ZNF541: variants seen among roughly 807,000 people sequenced by gnomAD.
The protein encoded by ZNF541 is zinc finger protein 541.
A neutral mutation model predicts 123.5 loss-of-function variants in ZNF541; 23 were observed. The ratio of observed to expected loss-of-function variants is 0.19; its 90% CI spans 0.13 to 0.26. The LOEUF is 0.26. ZNF541 is among the 10% of genes least tolerant of loss of function. The pLI is 1.00. For synonymous variants in ZNF541, 751 were observed against 754.5 expected, an observed-to-expected ratio of 1.00 and a Z score of 0.08; for missense variants, 1,612 against 1,789.9, an observed-to-expected ratio of 0.90 and a Z score of 1.79.
intron 3 of ZNF541, among the ~76,000 whole-genome samples, chr19:47,553,116 A>G: frequency 6.6e-6 from 1 of 152,232 alleles, no homozygotes; most frequent in East Asian, 1.9e-4. Context: ...TCAAAAAAAT[A>G]AATAAATAAA....
At chr19:47,529,786 C>T (rs540914783) in intron 12 of ZNF541, 134 bp from the exon 13 acceptor site, 1 of 763,374 alleles carries the variant, frequency 1.3e-6, no homozygotes, top group African/African-American at 1.7e-5. Flanking sequence ...TCAAAGTTGC[C>T]CTGGATGGGC....
chr19:47,559,082 A>C (rs1213380039), intron 2 of ZNF541, among the ~76,000 whole-genome samples: 1 of 151,110 alleles, frequency 6.6e-6, no homozygotes, highest in Non-Finnish European at 1.5e-5. Flanking sequence ...GAGAAATAAA[A>C]AGACTGGGCC....
At chr19:47,571,563 T>C (rs982376492) in intron 2 of ZNF541, among the ~76,000 whole-genome samples, 3 of 152,206 alleles carry the variant, frequency 2.0e-5, no homozygotes, top group African/African-American at 4.8e-5. Context: ...AGATGGGACA[T>C]ACAATCTTTG....
intron 2 of ZNF541, among the ~76,000 whole-genome samples, chr19:47,558,233 G>A (rs953561737): frequency 5.9e-5 from 9 of 152,014 alleles, no homozygotes; most frequent in African/African-American, 1.9e-4. Context: ...CGGCTAACAC[G>A]GTGAAACCCC....
At chr19:47,573,167 G>C (rs1001719278), upstream of ZNF541, among the ~76,000 whole-genome samples, 1 of 149,596 alleles carries the variant, frequency 6.7e-6, no homozygotes, top group Middle Eastern at 3.2e-3. Context: ...CGCGCCGCCC[G>C]GGGCGCACGC....
intron 4 of ZNF541, 73 bp downstream of exon 4, chr19:47,549,172 G>A: frequency 6.5e-7 from 1 of 1,534,024 alleles, no homozygotes; most frequent in Non-Finnish European, 8.8e-7. Flanking sequence ...TGGGAGAATA[G>A]GAAGAAGACC....
intron 3 of ZNF541, 75 bp from the exon 4 acceptor site, chr19:47,549,560 A>G: frequency 1.3e-6 from 2 of 1,522,312 alleles, no homozygotes; most frequent in Non-Finnish European, 1.8e-6. Context: ...GGCACTCTAC[A>G]CCTCTTAGAA....
chr19:47,523,218 C>T (rs954457706), intron 14 of ZNF541, among the ~76,000 whole-genome samples: 5 of 150,392 alleles, frequency 3.3e-5, no homozygotes, highest in East Asian at 2.0e-4. Context: ...TTAGTAGAGA[C>T]GGGGTTTCAC....
intron 5 of ZNF541, among the ~76,000 whole-genome samples, chr19:47,542,430 C>T (rs1568496587): frequency 6.6e-6 from 1 of 151,796 alleles, no homozygotes; most frequent in Non-Finnish European, 1.5e-5. Flanking sequence ...CCGAGGCAAG[C>T]ACATCACCTG....
Position 47,544,256 on chromosome 19 carries a change from C to A in ZNF541, c.2273G>T (p.Arg758Leu). 3 of 1,551,580 alleles carry A rather than the reference C, an allele frequency of 1.9e-6. No individual in the cohort carries two copies. The highest frequency in any genetic ancestry group is 2.6e-6 in the Non-Finnish European group (3 of 1,147,006). ...CATATCCATCTTCGCCTTCTCTTTC[C>A]GGAAGCCGGAGAATCGCGGGGCCCT... is the stretch of plus-strand genomic sequence containing the variant. ...NPRAPRFSGF[R>L]KEKAKMDMCC... Residue 758 changes from arginine to leucine, a missense_variant, in exon 5 of 17, where the codon CGG becomes CTG. Transcript: ENST00000391901.
At chr19:47,538,612 G>A (rs1969937427) in intron 8 of ZNF541, 173 bp from the exon 9 acceptor site, 2 of 620,384 alleles carry the variant, frequency 3.2e-6, no homozygotes, top group Non-Finnish European at 5.3e-6. Flanking sequence ...TACTGAGCCT[G>A]GCGATGATCC....
At position 47,564,136 on chromosome 19, in the gene ZNF541, T is replaced by G. The variant is rs1470014639; in HGVS notation, c.-99+7760A>C. Among the ~76,000 whole-genome samples, 5 of 152,296 alleles carry G rather than the reference T, an allele frequency of 3.3e-5. No homozygotes were observed. In the East Asian group the frequency reaches 9.6e-4, roughly 29 times the overall value. On this transcript the variant is annotated intron_variant, in intron 2 of 16. Coordinates refer to ENST00000391901, the MANE Select transcript of ZNF541 (RefSeq NM_001277075.3). ...TACACAGTACTGATTCCCTATAAAC[T>G]GAACTGTATACTGCACTGCTCCAAT... is the stretch of plus-strand genomic sequence containing the variant.
intron 14 of ZNF541, among the ~76,000 whole-genome samples, chr19:47,528,204 A>G (rs1039927319): frequency 2.8e-5 from 4 of 143,146 alleles, no homozygotes; most frequent in African/African-American, 1.0e-4. Flanking sequence ...AATCCCAGCT[A>G]CTCGGAAGGC....
chr19:47,524,753 C>T (rs1174446626), intron 14 of ZNF541, among the ~76,000 whole-genome samples: 2 of 150,882 alleles, frequency 1.3e-5, no homozygotes, highest in African/African-American at 4.9e-5. Context: ...GGTGTGATTG[C>T]ACACACCTGT....
chr19:47,570,362 G>T (rs914057789), intron 2 of ZNF541, among the ~76,000 whole-genome samples: 23 of 151,870 alleles, frequency 1.5e-4, no homozygotes, highest in Middle Eastern at 6.8e-3. Context: ...CAGATCACTG[G>T]AGGCCAGGAG....
At chr19:47,551,235 T>C (rs1401728480) in intron 3 of ZNF541, among the ~76,000 whole-genome samples, 1 of 152,070 alleles carries the variant, frequency 6.6e-6, no homozygotes, top group African/African-American at 2.4e-5. Context: ...AGATGGGGTT[T>C]CACCATGTTG....
chr19:47,527,334 T>A (rs1240332112), intron 14 of ZNF541, among the ~76,000 whole-genome samples: 1 of 152,040 alleles, frequency 6.6e-6, no homozygotes, highest in Non-Finnish European at 1.5e-5. Context: ...TTTGTATACA[T>A]CCAATTTTTT....
chr19:47,544,950 C>A lies in ZNF541; in HGVS notation c.1579G>T (p.Ala527Ser). The A allele has an allele frequency of 1.3e-6, 2 of 1,534,650 alleles. No homozygotes were observed. Among genetic ancestry groups the A allele is most frequent in the Non-Finnish European group, 1.7e-6 (2 of 1,146,330 alleles). ...GAGGCATCCGCAGGGAGCCCGCCTG[C>A]CTTCTGGGCCTCCTGGAGGCCGGGC... is the stretch of plus-strand genomic sequence containing the variant. ...GEPGLQEAQKAGGLPADASPL... is the reference protein window; with the variant it reads ...GEPGLQEAQKSGGLPADASPL... The change falls in exon 5 of 17, where the codon GCA (alanine) becomes TCA (serine). Residue 527 changes from alanine to serine, a missense_variant. Transcript: ENST00000391901.
In ZNF541 at chr19:47,544,137, T is replaced by G; in HGVS notation, c.2392A>C (p.Ser798Arg). The G allele has an allele frequency of 6.5e-7, 1 of 1,548,596 alleles. No individual in the cohort carries two copies. The change falls in exon 5 of 17, where the codon AGC becomes CGC. Residue 798 changes from serine (S) to arginine (R), a missense_variant. By Grantham distance (110) the Ser-to-Arg change is moderately radical. Coordinates refer to ENST00000391901, the MANE Select transcript of ZNF541 (RefSeq NM_001277075.3). ...GAGAGAGCTGGTACCTGGATTCTGC[T>G]GAATATTGTCAGCTTGGACTTGGAG... The part of the protein sequence containing the change: ...DPSKSKLTIF[S>R]RIQGGNIYRL...
Sources: allele counts gnomAD v4.1 joint callset (sites outside exome capture counted in the v4.1 genomes callset), GRCh38; gene constraint gnomAD v4.1.1; transcripts MANE v1.5; gene names NCBI Gene and HGNC (gene_info 2026-07-23, HGNC 2026-07-21).